The following FNBP1L variants were observed in gnomAD, a reference collection of about 807,000 sequenced individuals.
FNBP1L encodes formin-binding protein 1-like.
Under a neutral mutation model 91.2 loss-of-function variants are expected in FNBP1L, and 36 were observed. The observed-to-expected ratio is 0.39, with a 90% CI of 0.30 to 0.52. The LOEUF (loss-of-function observed/expected upper bound fraction) is 0.52. Among genes scored for constraint, FNBP1L ranks in the 20% least tolerant of loss-of-function variants. The pLI is 0.66. For missense variants in FNBP1L, 571 were observed against 732.1 expected (o/e 0.78, Z 2.54); for synonymous variants, 242 against 237.0 (o/e 1.02, Z -0.19).
intron 14 of FNBP1L, among the ~76,000 whole-genome samples, chr1:93,548,822 C>T (rs1672318390): frequency 6.6e-6 from 1 of 152,144 alleles, no homozygotes; most frequent in Admixed American, 6.6e-5. Flanking sequence ...TACAGGACTT[C>T]TTGTGAACTG....
intron 2 of FNBP1L, among the ~76,000 whole-genome samples, chr1:93,505,126 T>G (rs2101730097): frequency 6.6e-6 from 1 of 150,942 alleles, no homozygotes; most frequent in Non-Finnish European, 1.5e-5. Flanking sequence ...TTTTTTTTTT[T>G]TTGAGACAGA....
At chr1:93,521,409 C>G (rs868724995) in intron 2 of FNBP1L, among the ~76,000 whole-genome samples, 2 of 152,074 alleles carry the variant, frequency 1.3e-5, no homozygotes, top group East Asian at 1.9e-4. Flanking sequence ...GAAAAAAAAG[C>G]GATGGTATTT....
intron 1 of FNBP1L, among the ~76,000 whole-genome samples, chr1:93,495,543 A>T (rs904500889): frequency 6.6e-6 from 1 of 152,232 alleles, no homozygotes; most frequent in Non-Finnish European, 1.5e-5. Flanking sequence ...TATAAAAACA[A>T]TACCTTTAAG....
intron 2 of FNBP1L, among the ~76,000 whole-genome samples, chr1:93,511,923 G>T (rs1222635551): frequency 8.1e-6 from 1 of 124,074 alleles, no homozygotes; most frequent in Non-Finnish European, 1.6e-5. Context: ...CCGAGATCCC[G>T]CCACTGCACT....
chr1:93,523,221 C>T, intron 3 of FNBP1L, 123 bp from the exon 4 acceptor site: 1 of 897,064 alleles, frequency 1.1e-6, no homozygotes, highest in Non-Finnish European at 1.6e-6. Context: ...TAATTTAGAA[C>T]TAGTAGCTGA....
intron 1 of FNBP1L, among the ~76,000 whole-genome samples, chr1:93,463,857 A>C (rs987245582): frequency 2.0e-5 from 3 of 152,194 alleles, no homozygotes; most frequent in Non-Finnish European, 2.9e-5. Context: ...TTCTCCTATC[A>C]CATTTTACAT....
chr1:93,490,888 T>A (rs1670069641), intron 1 of FNBP1L, among the ~76,000 whole-genome samples: 1 of 152,134 alleles, frequency 6.6e-6, no homozygotes, highest in African/African-American at 2.4e-5. Context: ...GGTTGGAAGA[T>A]GTTACTTTTG....
At chr1:93,484,592 CTG>C (rs1669831123) in intron 1 of FNBP1L, among the ~76,000 whole-genome samples, 1 of 152,224 alleles carries the variant, frequency 6.6e-6, no homozygotes, top group Non-Finnish European at 1.5e-5. Context: ...GGGGACCAAA[CTG>C]TGTTGCTAAT....
At chr1:93,550,093 TA>T in intron 15 of FNBP1L, among the ~76,000 whole-genome samples, 1 of 152,338 alleles carries the variant, frequency 6.6e-6, no homozygotes, top group South Asian at 2.1e-4. Flanking sequence ...TAAACGGTTG[TA>T]AAATGGTGCT....
rs763501140 is a variant in FNBP1L at position 93,529,718 on chromosome 1, G to A, written c.472G>A (p.Asp158Asn). Reference protein sequence around the residue: ...EKAQQSYERLDNDTNATKADV... With the variant: ...EKAQQSYERLNNDTNATKADV... ...GGCACAACAGAGTTATGAAAGATTG[G>A]ATAATGATACTAATGCAACCAAGGC... The change falls in exon 6 of 17, where the codon GAT (aspartate) becomes AAT (asparagine). Residue 158 changes from aspartate to asparagine, a missense_variant. Transcript: ENST00000271234. 5.0e-5 allele frequency: 77 copies of A among 1,530,540 alleles called. 1 individual carries two copies. The South Asian group carries it at 9.4e-4, about 19-fold the overall frequency. 94.8% of individuals were successfully genotyped at this position (1,530,540 alleles called of 1,614,324 possible).
Position 93,536,474 on chromosome 1 carries a change from G to T in FNBP1L, c.1133G>T (p.Arg378Ile). The change falls in exon 10 of 17, where the codon AGA becomes ATA. Residue 378 changes from arginine (R) to isoleucine (I), a missense_variant. By Grantham distance (97) the Arg-to-Ile change is moderately conservative (BLOSUM62 -3). This residue lies in a region of FNBP1L where 150 missense variants were observed against 155.9 expected (regional missense o/e 0.96). Coordinates refer to ENST00000271234, the MANE Select transcript of FNBP1L (RefSeq NM_001164473.3). ...KTGKPRIPSFRSLKRGWSVKM... is the reference protein window; with the variant it reads ...KTGKPRIPSFISLKRGWSVKM... Reference sequence around the variant, plus strand: ...GGGAAGCCCAGAATTCCTTCTTTCAGAAGCCTCAAAAGAGGGGTAAGTTTA... The same window carrying T: ...GGGAAGCCCAGAATTCCTTCTTTCATAAGCCTCAAAAGAGGGGTAAGTTTA... 1 of 1,549,440 alleles carries T rather than the reference G, an allele frequency of 6.5e-7. No individual in the cohort carries two copies. The highest frequency in any genetic ancestry group is 1.2e-5 in the South Asian group (1 of 83,812).
At chr1:93,536,530 G>A (rs1279162589) in intron 10 of FNBP1L, 40 bp downstream of exon 10, 2 of 1,492,378 alleles carry the variant, frequency 1.3e-6, no homozygotes, top group Non-Finnish European at 1.8e-6. Flanking sequence ...ATGGCCTATT[G>A]TGTGTGTAGT....
chr1:93,485,925 C>G (rs556204066), intron 1 of FNBP1L, among the ~76,000 whole-genome samples: 7 of 152,192 alleles, frequency 4.6e-5, no homozygotes, highest in African/African-American at 1.7e-4. Flanking sequence ...GTCTCGAACT[C>G]CTGACCTTGT....
intron 2 of FNBP1L, among the ~76,000 whole-genome samples, chr1:93,520,887 C>T (rs1441327799): frequency 1.3e-5 from 2 of 152,074 alleles, no homozygotes; most frequent in Non-Finnish European, 2.9e-5. Context: ...ACTAAAAATA[C>T]AAAAATCAGC....
At chr1:93,531,676 C>T (rs1422717540) in intron 7 of FNBP1L, among the ~76,000 whole-genome samples, 1 of 152,164 alleles carries the variant, frequency 6.6e-6, no homozygotes, top group Non-Finnish European at 1.5e-5. Flanking sequence ...GCCAAGCCTG[C>T]CAGTCTTCAC....
intron 2 of FNBP1L, among the ~76,000 whole-genome samples, chr1:93,510,695 T>A (rs1217286062): frequency 6.6e-6 from 1 of 152,080 alleles, no homozygotes; most frequent in East Asian, 1.9e-4. Flanking sequence ...GCAAAGAAGT[T>A]GAAAACTTTG....
Position 93,533,082 on chromosome 1 carries a change from A to G in FNBP1L, c.786+14A>G, listed in dbSNP as rs1235906225. 4 of 1,564,734 alleles carry G rather than the reference A, an allele frequency of 2.6e-6. No homozygotes were observed. The highest frequency in any genetic ancestry group is 3.5e-6 in the Non-Finnish European group (4 of 1,149,874). On this transcript the variant is annotated intron_variant, in intron 8 of 16. Coordinates refer to ENST00000271234, the MANE Select transcript of FNBP1L (RefSeq NM_001164473.3). The stretch of plus-strand genomic sequence containing the variant: ...GATGAAAGAAGAGTAAGTGCTAAAT[A>G]ATTATCTTTGAATGCATCTGTTTGG...
intron 1 of FNBP1L, among the ~76,000 whole-genome samples, chr1:93,461,737 A>C (rs1296376823): frequency 6.6e-6 from 1 of 152,240 alleles, no homozygotes; most frequent in East Asian, 1.9e-4. Flanking sequence ...GCCAAAGCAA[A>C]GAATATAAGA....
chr1:93,515,387 C>G lies in FNBP1L; in HGVS notation c.141-6695C>G, dbSNP rs1387796036. Among the ~76,000 whole-genome samples, 4 of 151,602 alleles carry G rather than the reference C, an allele frequency of 2.6e-5. No individual in the cohort carries two copies. The East Asian group carries it at 7.8e-4, about 29-fold the overall frequency. ...CCTCAGGGATCTAGAACTAGAAATA[C>G]CATTTGACCCAGCCATCCCATTACT... is the stretch of plus-strand genomic sequence containing the variant. On this transcript the variant is annotated intron_variant, in intron 2 of 16. Transcript: ENST00000271234.
Sources: gnomAD v4.1 joint callset for allele counts (sites outside exome capture counted in the v4.1 genomes callset) on GRCh38, gnomAD v4.1.1 for gene constraint, gnomAD v4.1.1 regional missense constraint, MANE v1.5 for transcripts, NCBI Gene and HGNC (gene_info 2026-07-23, HGNC 2026-07-21) for gene names.